Variants in HAPLN1 observed in about 807,000 individuals in gnomAD.
HAPLN1 encodes the protein hyaluronan and proteoglycan link protein 1, also known as Cartilage link protein.
In HAPLN1, 13 loss-of-function variants were observed where a neutral mutation model predicts 36.5. That is an observed-to-expected ratio of 0.36 (90% CI 0.23 to 0.57). The LOEUF is 0.57. Among genes scored for constraint, HAPLN1 ranks in the 20% least tolerant of loss-of-function variants. HAPLN1 has a pLI of 0.83. For synonymous variants in HAPLN1, 202 were observed against 169.8 expected (o/e 1.19, Z -1.48); for missense variants, 407 against 439.7 (o/e 0.93, Z 0.66).
At chr5:83,653,167 T>G (rs75228023) in intron 2 of HAPLN1, among the ~76,000 whole-genome samples, 2,640 of 152,276 alleles carry the variant, frequency 0.017, 77 homozygotes, top group African/African-American at 0.06. Context: ...ATCAAAAATA[T>G]AGAAACAAGA....
intron 1 of HAPLN1, among the ~76,000 whole-genome samples, chr5:83,693,122 A>G (rs1751318057): frequency 6.6e-6 from 1 of 151,934 alleles, no homozygotes; most frequent in South Asian, 2.1e-4. Context: ...TAAAAGTTAT[A>G]TGAGTATGGC....
rs1480201747 is a variant in HAPLN1, at chr5:83,715,451, T to C, written c.-27+5338A>G. ...GGAAATTAGGAAGGCAAATTTCACC[T>C]ACTTGGCAAATTTTACTAGTGATTC... On this transcript the variant is annotated intron_variant, in intron 1 of 4. Coordinates refer to ENST00000274341, the MANE Select transcript of HAPLN1 (RefSeq NM_001884.4). Among the ~76,000 whole-genome samples the C allele has an allele frequency of 5.3e-5, 8 of 152,194 alleles. No homozygotes were observed. The South Asian group carries it at 1.2e-3, about 24-fold the overall frequency.
chr5:83,655,053 AT>A (rs1750174965), intron 2 of HAPLN1, among the ~76,000 whole-genome samples: 1 of 152,204 alleles, frequency 6.6e-6, no homozygotes, highest in Non-Finnish European at 1.5e-5. Flanking sequence ...ATAGAGCATA[AT>A]TTTGTCATAT....
At chr5:83,694,084 G>C (rs778100252) in intron 1 of HAPLN1, among the ~76,000 whole-genome samples, 1 of 151,800 alleles carries the variant, frequency 6.6e-6, no homozygotes, top group Admixed American at 6.6e-5. Flanking sequence ...AAGGATTTAC[G>C]TGAGGCAAAA....
At chr5:83,649,362 G>A (rs908518659) in intron 3 of HAPLN1, among the ~76,000 whole-genome samples, 3 of 151,916 alleles carry the variant, frequency 2.0e-5, no homozygotes, top group Non-Finnish European at 4.4e-5. Flanking sequence ...TCTTATCTAT[G>A]ATGCCCTCTC....
At chr5:83,662,342 G>C (rs6871586) in intron 2 of HAPLN1, among the ~76,000 whole-genome samples, 2,029 of 152,270 alleles carry the variant, frequency 0.013, 40 homozygotes, top group African/African-American at 0.045. Flanking sequence ...TGTTAATTCT[G>C]ATGTAACTTG....
rs1472747299 is a variant in HAPLN1, at chr5:83,710,780, G to A, written c.-27+10009C>T. Reference sequence around the variant, plus strand: ...AGCCTGACCAACATGGCAAAACCCCGTCTCTACTAAAAATACAAAAATTAG... The same window carrying A: ...AGCCTGACCAACATGGCAAAACCCCATCTCTACTAAAAATACAAAAATTAG... On this transcript the variant is annotated intron_variant, in intron 1 of 4. Coordinates refer to ENST00000274341, the MANE Select transcript of HAPLN1 (RefSeq NM_001884.4). 2.6e-5 allele frequency among the ~76,000 whole-genome samples: 4 copies of A among 152,002 alleles called. No individual in the cohort carries two copies. In the South Asian group the frequency reaches 6.2e-4, roughly 24 times the overall value.
chr5:83,658,547 G>A (rs1750284665), intron 2 of HAPLN1, among the ~76,000 whole-genome samples: 1 of 152,116 alleles, frequency 6.6e-6, no homozygotes, highest in Non-Finnish European at 1.5e-5. Context: ...TTAAACATTT[G>A]TCTCTCGTAC....
chr5:83,710,301 G>A (rs1254224573), intron 1 of HAPLN1, among the ~76,000 whole-genome samples: 2 of 152,168 alleles, frequency 1.3e-5, no homozygotes, highest in Non-Finnish European at 1.5e-5. Context: ...AATGGAGACT[G>A]AGATAGATTA....
At position 83,684,490 on chromosome 5, in the gene HAPLN1, G is replaced by A. The variant is rs368673934; in HGVS notation, c.-26-10941C>T. Among the ~76,000 whole-genome samples, 56 of 152,240 alleles carry A rather than the reference G, an allele frequency of 3.7e-4. 1 individual carries two copies. In the South Asian group the frequency reaches 0.011, roughly 31 times the overall value. On this transcript the variant is annotated intron_variant, in intron 1 of 4. Transcript: ENST00000274341. ...CTGTGCAGAGTGGCAGGCTTGGCAG[G>A]CACCTAACCCAGCCTGGCTGGCAGG...
intron 1 of HAPLN1, among the ~76,000 whole-genome samples, chr5:83,715,542 C>T (rs935553116): frequency 2.0e-5 from 3 of 152,228 alleles, no homozygotes; most frequent in Non-Finnish European, 4.4e-5. Context: ...CTATGCAACA[C>T]CTAGCGTGGT....
At chr5:83,653,065 T>C (rs1029345725) in intron 2 of HAPLN1, among the ~76,000 whole-genome samples, 5 of 152,156 alleles carry the variant, frequency 3.3e-5, no homozygotes, top group African/African-American at 1.2e-4. Flanking sequence ...GTAAGAAATG[T>C]TGGATATAAA....
At chr5:83,664,686 A>G (rs1053784324) in intron 2 of HAPLN1, among the ~76,000 whole-genome samples, 1 of 152,170 alleles carries the variant, frequency 6.6e-6, no homozygotes, top group Non-Finnish European at 1.5e-5. Context: ...TCTTCCAAAA[A>G]AAACTTTTAT....
chr5:83,663,332 T>C (rs1278508385), intron 2 of HAPLN1, among the ~76,000 whole-genome samples: 1 of 152,174 alleles, frequency 6.6e-6, no homozygotes, highest in African/African-American at 2.4e-5. Flanking sequence ...ATGAGAAAAG[T>C]AATTCCACAC....
intron 2 of HAPLN1, among the ~76,000 whole-genome samples, chr5:83,656,102 C>G (rs1456002935): frequency 6.6e-6 from 1 of 151,908 alleles, no homozygotes; most frequent in Non-Finnish European, 1.5e-5. Context: ...CTGAGGTGGG[C>G]AGATCACTTG....
At position 83,641,636 on chromosome 5, in the gene HAPLN1, A is replaced by G; in HGVS notation, c.925T>C (p.Leu309=). ...LGYDRCDAGW[L]ADGSVRYPIS... The stretch of plus-strand genomic sequence containing the variant: ...GGGTAGCGGACGCTGCCATCCGCCA[A>G]CCAGCCCGCATCACAGCGGTCATAT... The change falls in exon 5 of 5, where the codon TTG becomes CTG. Residue 309 remains leucine (L), a synonymous_variant. Coordinates refer to ENST00000274341, the MANE Select transcript of HAPLN1 (RefSeq NM_001884.4). 3.1e-6 allele frequency: 5 copies of G among 1,614,198 alleles called. No homozygotes were observed. The highest frequency in any genetic ancestry group is 4.2e-6 in the Non-Finnish European group (5 of 1,180,036).
intron 4 of HAPLN1, 47 bp from the exon 5 acceptor site, chr5:83,641,832 C>T (rs560148319): frequency 1.9e-6 from 3 of 1,571,828 alleles, no homozygotes; most frequent in South Asian, 2.3e-5. Flanking sequence ...TTCAATTGAG[C>T]CACACAGAGA....
rs1195768825 is a variant in HAPLN1 at position 83,638,225 on chromosome 5, G to A, written c.*3271C>T. 1.3e-5 allele frequency: 2 copies of A among 151,866 alleles called. No individual in the cohort carries two copies. Among genetic ancestry groups the A allele is most frequent in the Non-Finnish European group, 2.9e-5 (2 of 67,882 alleles). The allele number at this position is 151,866 out of a possible 1,614,324, so 9.4% of individuals were successfully genotyped here. A position where few individuals can be genotyped will look rare whatever the true frequency, so the allele number is the denominator to read the frequency against. ...CAGTAACACAAAATTGACTTTTAAT[G>A]TACCAGTTCATTGTATCTTACAGAA... On this transcript the variant is annotated 3_prime_UTR_variant, in exon 5 of 5. Coordinates refer to ENST00000274341, the MANE Select transcript of HAPLN1 (RefSeq NM_001884.4).
chr5:83,702,306 C>T (rs904266448), intron 1 of HAPLN1, among the ~76,000 whole-genome samples: 3 of 152,044 alleles, frequency 2.0e-5, no homozygotes, highest in African/African-American at 7.3e-5. Context: ...GTCAAATATC[C>T]GGTATAAATT....
Sources: gnomAD v4.1 joint callset for allele counts (sites outside exome capture counted in the v4.1 genomes callset) on GRCh38, gnomAD v4.1.1 for gene constraint, MANE v1.5 for transcripts, NCBI Gene and HGNC (gene_info 2026-07-23, HGNC 2026-07-21) for gene names.